The following RERE variants were observed in gnomAD, a reference collection of about 807,000 sequenced individuals.
The protein encoded by RERE is arginine-glutamic acid dipeptide repeats, also known as arginine-glutamic acid dipeptide repeats protein.
A neutral mutation model predicts 146.1 loss-of-function variants in RERE; 40 were observed. The ratio of observed to expected loss-of-function variants is 0.27; its 90% confidence interval spans 0.21 to 0.36. The LOEUF (loss-of-function observed/expected upper bound fraction) is 0.36, where lower values mean the gene tolerates loss of function less well. Ranked by LOEUF, RERE falls within the 10% of genes least tolerant of loss-of-function variation. The pLI, the probability that RERE is intolerant of heterozygous loss-of-function variation, is 1.00. For missense variants in RERE, 1,933 were observed against 2,138.7 expected (o/e 0.90, Z 1.90); for synonymous variants, 1,003 against 866.0 (o/e 1.16, Z -2.78).
intron 2 of RERE, among the ~76,000 whole-genome samples, chr1:8,628,610 TA>T (rs1371025574): frequency 6.6e-6 from 1 of 152,154 alleles, no homozygotes; most frequent in Non-Finnish European, 1.5e-5. Context: ...AAGGTTCAAT[TA>T]AAGCCAAATT....
rs1036365862 is a variant in RERE, at chr1:8,575,399, T to TC, written c.523-17877_523-17876insG. On this transcript the variant is annotated intron_variant, in intron 4 of 22. Coordinates refer to ENST00000400908, the MANE Select transcript of RERE (RefSeq NM_001042681.2). Reference sequence around the variant, plus strand: ...AAAAGTAACCTTTTTTTTTTTTTTTTTAAAGACACTGTTTTGCTGTTGTCC... The same window carrying TC: ...AAAAGTAACCTTTTTTTTTTTTTTTTCTAAAGACACTGTTTTGCTGTTGTCC... Among the ~76,000 whole-genome samples the TC allele has an allele frequency of 5.3e-5, 8 of 150,498 alleles. 1 individual carries two copies. The highest frequency in any genetic ancestry group is 1.9e-4 in the African/African-American group (8 of 41,034).
At chr1:8,415,950 A>C (rs939829098) in intron 12 of RERE, among the ~76,000 whole-genome samples, 2 of 152,272 alleles carry the variant, frequency 1.3e-5, no homozygotes, top group Admixed American at 6.5e-5. Flanking sequence ...TAAGAAAAAC[A>C]GTATGGCACA....
intron 1 of RERE, among the ~76,000 whole-genome samples, chr1:8,711,054 G>A (rs527773822): frequency 6.6e-6 from 1 of 150,684 alleles, no homozygotes; most frequent in East Asian, 2.0e-4. Context: ...CTACTCGGGA[G>A]GCTGAGGCAG....
intron 12 of RERE, among the ~76,000 whole-genome samples, chr1:8,401,069 A>ATATG (rs1553161877): frequency 0.019 from 1,576 of 83,806 alleles, 92 homozygotes; most frequent in Middle Eastern, 0.026. Flanking sequence ...ATATATATAT[A>ATATG]TATGTCACTT....
At position 8,422,065 on chromosome 1, in the gene RERE, T is replaced by A. The variant is rs76718070; in HGVS notation, c.1284+662A>T. ...TTCCCCGCATTCTCTTCATATAATTTCACTCTGTATTTTCCTCAGCAAATC... is the reference window on the plus strand; with the variant it reads ...TTCCCCGCATTCTCTTCATATAATTACACTCTGTATTTTCCTCAGCAAATC... On this transcript the variant is annotated intron_variant, in intron 12 of 22. Coordinates refer to ENST00000400908, the MANE Select transcript of RERE (RefSeq NM_001042681.2). Among the ~76,000 whole-genome samples, 617 of 152,304 alleles carry A rather than the reference T, an allele frequency of 4.1e-3. 3 individuals carry two copies. Among genetic ancestry groups the A allele is most frequent in the African/African-American group, 0.014 (592 of 41,550 alleles).
Position 8,497,471 on chromosome 1 carries a change from T to A in RERE, c.938A>T (p.His313Leu). 6.2e-7 allele frequency: 1 copy of A among 1,614,146 alleles called. No homozygotes were observed. Among genetic ancestry groups the A allele is most frequent in the Non-Finnish European group, 8.5e-7 (1 of 1,180,008 alleles). Residue 313 changes from histidine to leucine, a missense_variant, in exon 9 of 23, where the codon CAT becomes CTT. Physicochemically the swap from His to Leu is moderately conservative, Grantham distance 99 (BLOSUM62 -3). Around this residue, in one of 11 missense-constraint regions of RERE, gnomAD observed 260 missense variants for 378.4 expected, o/e 0.69. Transcript: ENST00000400908. ...TCCAGGCATCCAGACCAGTTCCTCA[T>A]GTTGGGTCACTGTATCACCATCTGG... is the stretch of plus-strand genomic sequence containing the variant. ...PSPDGDTVTQ[H>L]EELVWMPGVN... is the part of the protein sequence containing the mutation.
Position 8,369,859 on chromosome 1 carries a change from G to A in RERE, c.1285-3885C>T, listed in dbSNP as rs532580452. On this transcript the variant is annotated intron_variant, in intron 12 of 22. Coordinates refer to ENST00000400908, the MANE Select transcript of RERE (RefSeq NM_001042681.2). ...GGCTGGAGTGCAGTGGCACGATCTC[G>A]GCTCACTGCAAGCTCCGCCTCCCGG... Among the ~76,000 whole-genome samples the A allele has an allele frequency of 2.0e-3, 299 of 151,994 alleles. 2 individuals are homozygous for A. The highest frequency in any genetic ancestry group is 3.4e-3 in the Middle Eastern group (1 of 294).
chr1:8,436,498 A>C (rs1475089080), intron 11 of RERE, among the ~76,000 whole-genome samples: 1 of 152,168 alleles, frequency 6.6e-6, no homozygotes, highest in African/African-American at 2.4e-5. Context: ...AGTAGATCTC[A>C]ACACAGGAGG....
intron 1 of RERE, among the ~76,000 whole-genome samples, chr1:8,678,980 T>C (rs559389085): frequency 1.3e-5 from 2 of 152,310 alleles, no homozygotes; most frequent in African/African-American, 4.8e-5. Flanking sequence ...TAAATAAAAT[T>C]TTTAAAATGT....
chr1:8,457,147 A>C (rs1331808785), intron 11 of RERE, among the ~76,000 whole-genome samples: 1 of 152,202 alleles, frequency 6.6e-6, no homozygotes, highest in Non-Finnish European at 1.5e-5. Context: ...GTAAGTAGGA[A>C]GGAATCATTC....
At chr1:8,584,964 T>A (rs964497611) in intron 4 of RERE, among the ~76,000 whole-genome samples, 1 of 151,972 alleles carries the variant, frequency 6.6e-6, no homozygotes. Flanking sequence ...TTGGCCAACG[T>A]GGTGAAACCC....
intron 4 of RERE, among the ~76,000 whole-genome samples, chr1:8,596,794 G>A (rs1341635491): frequency 1.3e-5 from 2 of 151,564 alleles, no homozygotes; most frequent in Non-Finnish European, 2.9e-5. Flanking sequence ...TTATAGGTGT[G>A]AGCTAACACA....
intron 4 of RERE, among the ~76,000 whole-genome samples, chr1:8,566,853 C>T (rs1046818601): frequency 1.0e-4 from 15 of 149,956 alleles, no homozygotes; most frequent in South Asian, 6.4e-4. Context: ...TGCAGTGGTG[C>T]GATCTCGGCT....
At chr1:8,604,610 GAGGGAGGGAGGGAGGA>G (rs1394927968) in intron 4 of RERE, among the ~76,000 whole-genome samples, 11 of 90,244 alleles carry the variant, frequency 1.2e-4, no homozygotes, top group African/African-American at 4.1e-4. Flanking sequence ...GGGAGGGAGG[GAGGGAGGGAGGGAGGA>G]AGGAAGGAAG....
At chr1:8,384,248 G>A (rs1343599420) in intron 12 of RERE, among the ~76,000 whole-genome samples, 1 of 152,182 alleles carries the variant, frequency 6.6e-6, no homozygotes, top group Non-Finnish European at 1.5e-5. Flanking sequence ...TGGGATGCAC[G>A]GAGGTCCAGT....
At chr1:8,722,799 T>C (rs1040186311) in intron 1 of RERE, among the ~76,000 whole-genome samples, 11 of 152,222 alleles carry the variant, frequency 7.2e-5, no homozygotes, top group African/African-American at 2.4e-4. Flanking sequence ...ATAGGTTACA[T>C]GCAAATACGA....
intron 11 of RERE, among the ~76,000 whole-genome samples, chr1:8,433,112 G>C (rs1373565682): frequency 6.6e-6 from 1 of 152,136 alleles, no homozygotes; most frequent in African/African-American, 2.4e-5. Flanking sequence ...ACCTGGCATG[G>C]TTCAGTAACT....
chr1:8,583,359 T>C (rs529336236), intron 4 of RERE, among the ~76,000 whole-genome samples: 1 of 152,212 alleles, frequency 6.6e-6, no homozygotes, highest in South Asian at 2.1e-4. Context: ...AGCCATAAGA[T>C]CTCTGGATAT....
chr1:8,688,876 G>A (rs1466587240), intron 1 of RERE, among the ~76,000 whole-genome samples: 1 of 152,202 alleles, frequency 6.6e-6, no homozygotes, highest in African/African-American at 2.4e-5. Flanking sequence ...GATTTTGGTA[G>A]ATTAGGTGAA....
Sources: allele counts gnomAD v4.1 joint callset (sites outside exome capture counted in the v4.1 genomes callset), GRCh38; gene constraint gnomAD v4.1.1; regional missense constraint gnomAD v4.1.1; transcripts MANE v1.5; gene names NCBI Gene and HGNC (gene_info 2026-07-23, HGNC 2026-07-21).